Variants in ADTRP observed in about 807,000 individuals in gnomAD.
ADTRP encodes androgen dependent TFPI regulating protein.
ADTRP carries 20 observed loss-of-function variants against 27.0 expected under a neutral mutation model. That is an observed-to-expected ratio of 0.74 (90% CI 0.52 to 1.08). ADTRP has a LOEUF of 1.08. Among genes scored for constraint, ADTRP ranks in the 50% least tolerant of loss-of-function variants. The pLI is 0.00. For missense variants in ADTRP, 251 were observed against 275.0 expected, an observed-to-expected ratio of 0.91 and a Z score of 0.62; for synonymous variants, 101 against 105.2, an observed-to-expected ratio of 0.96 and a Z score of 0.25.
chr6:11,731,005 C>T (rs973884454), intron 4 of ADTRP, among the ~76,000 whole-genome samples: 6 of 152,186 alleles, frequency 3.9e-5, no homozygotes, highest in Non-Finnish European at 8.8e-5. Context: ...TAACACTGTG[C>T]CAGGTGGGGA....
chr6:11,745,763 G>A (rs1368442203), intron 3 of ADTRP, among the ~76,000 whole-genome samples: 2 of 151,966 alleles, frequency 1.3e-5, no homozygotes, highest in Non-Finnish European at 2.9e-5. Flanking sequence ...CATGTGAGAG[G>A]TTACTTTTTC....
At chr6:11,763,022 GT>G (rs1010822400) in intron 3 of ADTRP, among the ~76,000 whole-genome samples, 1 of 152,182 alleles carries the variant, frequency 6.6e-6, no homozygotes, top group African/African-American at 2.4e-5. Flanking sequence ...TCTTTCCCTT[GT>G]TTTATGAAGA....
intron 5 of ADTRP, among the ~76,000 whole-genome samples, chr6:11,715,925 A>G (rs994427642): frequency 1.4e-5 from 2 of 145,272 alleles, no homozygotes; most frequent in Admixed American, 1.4e-4. Flanking sequence ...CTCCCATCTC[A>G]GCCTCCCAAA....
intron 5 of ADTRP, among the ~76,000 whole-genome samples, chr6:11,722,240 A>G (rs1762044415): frequency 6.6e-6 from 1 of 152,056 alleles, no homozygotes; most frequent in South Asian, 2.1e-4. Flanking sequence ...TTTGCCCTTG[A>G]GAGTTTCTTA....
rs1391711163 is a variant in ADTRP, at chr6:11,770,549, C to CG, written c.154-2167dup. Among the ~76,000 whole-genome samples, 4 of 151,958 alleles carry CG rather than the reference C, an allele frequency of 2.6e-5. No homozygotes were observed. In the East Asian group the frequency reaches 7.7e-4, roughly 29 times the overall value. On this transcript the variant is annotated intron_variant, in intron 1 of 5. Coordinates refer to ENST00000414691, the MANE Select transcript of ADTRP (RefSeq NM_032744.4). ...GGACATAAAGGTACTAAAGAACGGC[C>CG]GGGGGTAGAAGAGCCAGAAGATAGG...
intron 2 of ADTRP, among the ~76,000 whole-genome samples, chr6:11,767,327 T>C (rs1763607758): frequency 1.3e-5 from 2 of 152,300 alleles, no homozygotes; most frequent in South Asian, 2.1e-4. Flanking sequence ...AGTGAGACTT[T>C]ATCTCAAACC....
chr6:11,746,498 A>G (rs1242117074), intron 3 of ADTRP, among the ~76,000 whole-genome samples: 6 of 151,960 alleles, frequency 3.9e-5, no homozygotes, highest in South Asian at 2.1e-4. Flanking sequence ...AGCCTTCCCC[A>G]CTCCCCAAAG....
chr6:11,725,204 A>G lies in ADTRP; in HGVS notation c.507-1704T>C, dbSNP rs557208591. On this transcript the variant is annotated intron_variant, in intron 4 of 5. Transcript: ENST00000414691. ...TAAAACTTAAGGGATCATCTCTGCA[A>G]CAAAGGACACAATAAACAGTGTGAA... 4.5e-4 allele frequency among the ~76,000 whole-genome samples: 68 copies of G among 152,364 alleles called. 1 individual carries two copies. The highest frequency in any genetic ancestry group is 1.6e-3 in the African/African-American group (67 of 41,596).
intron 3 of ADTRP, among the ~76,000 whole-genome samples, chr6:11,745,850 ACAT>A (rs994789653): frequency 1.3e-5 from 2 of 151,984 alleles, no homozygotes; most frequent in African/African-American, 4.8e-5. Flanking sequence ...GAGCGCAGTG[ACAT>A]GATCTCGGCT....
intron 5 of ADTRP, among the ~76,000 whole-genome samples, chr6:11,716,269 C>T (rs1231034319): frequency 6.6e-6 from 1 of 152,138 alleles, no homozygotes; most frequent in African/African-American, 2.4e-5. Flanking sequence ...AACCTCAGTC[C>T]TTCCACCCCA....
At chr6:11,715,806 C>CTTTTTTTTTT in intron 5 of ADTRP, among the ~76,000 whole-genome samples, 1 of 77,700 alleles carries the variant, frequency 1.3e-5, no homozygotes, top group Non-Finnish European at 2.2e-5. Context: ...CCATGCCCAG[C>CTTTTTTTTTT]TTTTTTTTTT....
At chr6:11,739,891 TAA>T (rs1762665162) in intron 3 of ADTRP, among the ~76,000 whole-genome samples, 1 of 152,164 alleles carries the variant, frequency 6.6e-6, no homozygotes, top group African/African-American at 2.4e-5. Flanking sequence ...ACTCTTATCC[TAA>T]GTTTCCTGCG....
intron 4 of ADTRP, among the ~76,000 whole-genome samples, chr6:11,728,960 T>G (rs1762301707): frequency 6.6e-6 from 1 of 152,200 alleles, no homozygotes; most frequent in Admixed American, 6.5e-5. Context: ...ATTTCACATC[T>G]TTCTTGAGCC....
At position 11,766,328 on chromosome 6, in the gene ADTRP, G is replaced by T; in HGVS notation, c.336C>A (p.Leu112=). ...FWILFLYNRD[L]IYPKVLDTVI... ...CAGTATCTAGGACCTTGGGGTAAAT[G>T]AGATCTCGATTGTAGAGAAAGAGGA... is the stretch of plus-strand genomic sequence containing the variant. The change falls in exon 3 of 6, where the codon CTC becomes CTA. Residue 112 remains leucine, a synonymous_variant. Transcript: ENST00000414691. 2 of 1,612,964 alleles carry T rather than the reference G, an allele frequency of 1.2e-6. No homozygotes were observed. The highest frequency in any genetic ancestry group is 2.2e-5 in the South Asian group (2 of 90,834).
chr6:11,715,806 CTTTTTTTTTTTTTTTT>C (rs55961408), intron 5 of ADTRP, among the ~76,000 whole-genome samples: 23 of 77,724 alleles, frequency 3.0e-4, no homozygotes, highest in Admixed American at 6.5e-4. Flanking sequence ...CCATGCCCAG[CTTTTTTTTTTTTTTTT>C]TTTTTTTTTT....
chr6:11,737,023 A>T (rs975644013), intron 3 of ADTRP, among the ~76,000 whole-genome samples: 2 of 152,052 alleles, frequency 1.3e-5, no homozygotes, highest in Admixed American at 1.3e-4. Flanking sequence ...TGACATAATC[A>T]AGGAAATAAC....
At chr6:11,770,355 T>C (rs991516864) in intron 1 of ADTRP, among the ~76,000 whole-genome samples, 1 of 152,110 alleles carries the variant, frequency 6.6e-6, no homozygotes, top group African/African-American at 2.4e-5. Flanking sequence ...AACTTCCGTT[T>C]GGAAATTCAG....
intron 5 of ADTRP, among the ~76,000 whole-genome samples, chr6:11,720,044 A>C (rs1761965980): frequency 1.3e-5 from 2 of 152,192 alleles, no homozygotes; most frequent in South Asian, 4.1e-4. Context: ...TCAGTGTCAC[A>C]GGTACAAGTG....
At chr6:11,745,942 C>T (rs1329109240) in intron 3 of ADTRP, among the ~76,000 whole-genome samples, 1 of 152,138 alleles carries the variant, frequency 6.6e-6, no homozygotes, top group Non-Finnish European at 1.5e-5. Flanking sequence ...AGGCGTGTGC[C>T]ATTGCACCTG....
Sources: allele counts gnomAD v4.1 joint callset (sites outside exome capture counted in the v4.1 genomes callset), GRCh38; gene constraint gnomAD v4.1.1; transcripts MANE v1.5; gene names NCBI Gene and HGNC (gene_info 2026-07-23, HGNC 2026-07-21).